NRG1: variants seen among roughly 807,000 people sequenced by gnomAD.
The protein encoded by NRG1 is neuregulin 1.
A neutral mutation model predicts 63.8 loss-of-function variants in NRG1; 18 were observed. The ratio of observed to expected loss-of-function variants is 0.28; its 90% CI spans 0.19 to 0.42. NRG1 has a LOEUF of 0.42. Ranked by LOEUF, NRG1 falls within the 10% of genes least tolerant of loss-of-function variation. The probability of loss-of-function intolerance (pLI) is 1.00; values close to 1 mark genes in which losing one functional copy is unlikely to be tolerated. For missense variants in NRG1, 762 were observed against 814.7 expected, an observed-to-expected ratio of 0.94 and a Z score of 0.79; for synonymous variants, 302 against 301.3, an observed-to-expected ratio of 1.00 and a Z score of -0.02.
intron 1 of NRG1, among the ~76,000 whole-genome samples, chr8:32,529,063 T>C (rs766455805): frequency 6.6e-6 from 1 of 152,176 alleles, no homozygotes; most frequent in Non-Finnish European, 1.5e-5. Flanking sequence ...CATCATAGGG[T>C]ATATTTACAC....
chr8:32,481,732 A>G (rs1163093097), intron 1 of NRG1, among the ~76,000 whole-genome samples: 2 of 152,246 alleles, frequency 1.3e-5, no homozygotes, highest in African/African-American at 4.8e-5. Flanking sequence ...ACATTAATAT[A>G]TAGATAGCAT....
At chr8:32,011,100 TACACATAA>T (rs1320528413) in intron 1 of NRG1, among the ~76,000 whole-genome samples, 2 of 152,220 alleles carry the variant, frequency 1.3e-5, no homozygotes, top group African/African-American at 4.8e-5. Context: ...GCAGACACAT[TACACATAA>T]ACATTGTTTT....
intron 1 of NRG1, among the ~76,000 whole-genome samples, chr8:32,469,266 C>T (rs1428778276): frequency 6.6e-6 from 1 of 152,118 alleles, no homozygotes; most frequent in Non-Finnish European, 1.5e-5. Flanking sequence ...AGTACATGTA[C>T]AGCAGAAGGA....
chr8:32,744,896 T>C (rs1400947520), intron 7 of NRG1, among the ~76,000 whole-genome samples: 1 of 152,188 alleles, frequency 6.6e-6, no homozygotes, highest in African/African-American at 2.4e-5. Flanking sequence ...CAGAGTGTGA[T>C]TCCTTAAATA....
At chr8:32,354,406 A>T (rs934966242) in intron 1 of NRG1, among the ~76,000 whole-genome samples, 1 of 152,144 alleles carries the variant, frequency 6.6e-6, no homozygotes, top group African/African-American at 2.4e-5. Flanking sequence ...ATACTGCATG[A>T]TACAAAATTC....
At chr8:32,326,656 G>A (rs1466647623) in intron 1 of NRG1, among the ~76,000 whole-genome samples, 3 of 151,882 alleles carry the variant, frequency 2.0e-5, no homozygotes, top group Non-Finnish European at 2.9e-5. Flanking sequence ...ATAAAACATC[G>A]AGGAAGTACT....
At chr8:31,861,100 C>A (rs1828432454) in intron 1 of NRG1, among the ~76,000 whole-genome samples, 1 of 152,128 alleles carries the variant, frequency 6.6e-6, no homozygotes, top group Non-Finnish European at 1.5e-5. Flanking sequence ...TGTTGGCAAA[C>A]ATATTGTATC....
At chr8:32,233,299 A>T (rs951511463) in intron 1 of NRG1, among the ~76,000 whole-genome samples, 2 of 151,796 alleles carry the variant, frequency 1.3e-5, no homozygotes, top group Admixed American at 1.3e-4. Flanking sequence ...TCTTGTAGAG[A>T]TAGAGTCTTA....
chr8:31,976,910 A>G (rs1808286861), intron 1 of NRG1, among the ~76,000 whole-genome samples: 1 of 152,336 alleles, frequency 6.6e-6, no homozygotes, highest in African/African-American at 2.4e-5. Flanking sequence ...TATAAGATTC[A>G]TATCTCTTGA....
chr8:31,803,766 A>C (rs979493908), intron 1 of NRG1, among the ~76,000 whole-genome samples: 1 of 152,182 alleles, frequency 6.6e-6, no homozygotes, highest in Non-Finnish European at 1.5e-5. Flanking sequence ...CCATGGCCTA[A>C]AGGGTCTACT....
intron 1 of NRG1, among the ~76,000 whole-genome samples, chr8:32,312,153 G>GCT (rs1856871308): frequency 2.0e-5 from 2 of 98,206 alleles, no homozygotes; most frequent in African/African-American, 7.6e-5. Context: ...ATTTGACCTT[G>GCT]TTTGTTTTTT....
chr8:32,414,686 G>T (rs977085663), intron 1 of NRG1, among the ~76,000 whole-genome samples: 2 of 152,138 alleles, frequency 1.3e-5, no homozygotes, highest in South Asian at 4.1e-4. Flanking sequence ...TAGTGCCAAC[G>T]TGCCTGGAAA....
chr8:32,661,225 C>T (rs1802774100), intron 5 of NRG1, among the ~76,000 whole-genome samples: 1 of 152,216 alleles, frequency 6.6e-6, no homozygotes, highest in African/African-American at 2.4e-5. Flanking sequence ...ACTTCTTATT[C>T]TGTCATAAAA....
intron 1 of NRG1, among the ~76,000 whole-genome samples, chr8:32,280,756 A>ATTTTTTTTTTTTTTTTTTTTTT (rs577848038): frequency 3.1e-5 from 1 of 31,878 alleles, no homozygotes; most frequent in Non-Finnish European, 5.6e-5. Context: ...TTGTCCTTTC[A>ATTTTTTTTTTTTTTTTTTTTTT]TTTTTTTTTT....
At chr8:32,475,931 G>T (rs1474224170) in intron 1 of NRG1, among the ~76,000 whole-genome samples, 1 of 152,158 alleles carries the variant, frequency 6.6e-6, no homozygotes, top group East Asian at 1.9e-4. Flanking sequence ...TAAGTGGGTT[G>T]TCTCAATTAA....
intron 8 of NRG1, among the ~76,000 whole-genome samples, 200 bp downstream of exon 8, chr8:32,754,674 A>C (rs1003802734): frequency 6.6e-6 from 1 of 152,138 alleles, no homozygotes; most frequent in Non-Finnish European, 1.5e-5. Context: ...TTGCCTATTC[A>C]TGTAAAGATT....
At chr8:32,738,072 A>T (rs1825532279) in intron 6 of NRG1, among the ~76,000 whole-genome samples, 1 of 152,180 alleles carries the variant, frequency 6.6e-6, no homozygotes, top group Non-Finnish European at 1.5e-5. Flanking sequence ...ATTATGAGCC[A>T]GGCATTGTGC....
intron 1 of NRG1, among the ~76,000 whole-genome samples, chr8:32,090,358 G>T (rs1403278694): frequency 6.6e-6 from 1 of 152,148 alleles, no homozygotes; most frequent in East Asian, 1.9e-4. Context: ...CTTAGGAAAA[G>T]AGTCCGGGTT....
At chr8:31,813,158 C>T (rs1273847120) in intron 1 of NRG1, among the ~76,000 whole-genome samples, 1 of 152,080 alleles carries the variant, frequency 6.6e-6, no homozygotes, top group Non-Finnish European at 1.5e-5. Context: ...TAGTATTATA[C>T]CTTTTGCATA....
Sources: allele counts gnomAD v4.1 joint callset (sites outside exome capture counted in the v4.1 genomes callset), GRCh38; gene constraint gnomAD v4.1.1; transcripts MANE v1.5; gene names NCBI Gene and HGNC (gene_info 2026-07-23, HGNC 2026-07-21).